RAB27A: variants seen among roughly 807,000 people sequenced by gnomAD.
The protein encoded by RAB27A is RAB27A, member RAS oncogene family.
RAB27A carries 17 observed loss-of-function variants against 20.8 expected under a neutral mutation model. The ratio of observed to expected loss-of-function variants is 0.82; its 90% CI spans 0.56 to 1.23. RAB27A has a LOEUF of 1.23. Ranked by LOEUF, RAB27A falls within the 50% of genes most tolerant of loss-of-function variation. RAB27A has a pLI of 0.00. For synonymous variants in RAB27A, 85 were observed against 92.8 expected (o/e 0.92, Z 0.48); for missense variants, 277 against 266.7 (o/e 1.04, Z -0.27).
intron 2 of RAB27A, among the ~76,000 whole-genome samples, chr15:55,268,987 C>G (rs1295402212): frequency 6.6e-6 from 1 of 152,090 alleles, no homozygotes; most frequent in Non-Finnish European, 1.5e-5. Context: ...CAGACATGAA[C>G]ACAGGGAGGA....
intron 2 of RAB27A, among the ~76,000 whole-genome samples, chr15:55,261,644 G>T (rs112121695): frequency 7.0e-6 from 1 of 143,260 alleles, no homozygotes; most frequent in African/African-American, 2.6e-5. Context: ...GGGAGGCTAA[G>T]GTAGAAGAAT....
chr15:55,279,694 T>TG (rs1200064733), intron 1 of RAB27A, among the ~76,000 whole-genome samples: 5 of 152,200 alleles, frequency 3.3e-5, no homozygotes, highest in African/African-American at 1.2e-4. Flanking sequence ...ATACAGCAGG[T>TG]GCTCAATAAA....
At position 55,272,197 on chromosome 15, in the gene RAB27A, G is replaced by C. The variant is rs1334595797; in HGVS notation, c.-142-1913C>G. Among the ~76,000 whole-genome samples, 7 of 152,286 alleles carry C rather than the reference G, an allele frequency of 4.6e-5. No homozygotes were observed. The South Asian group carries it at 1.4e-3, about 32-fold the overall frequency. The stretch of plus-strand genomic sequence containing the variant: ...CAATATTCCTGTAGGGGGAGATCGA[G>C]ACCATCCTGGCTAACACGGTGAAAC... On this transcript the variant is annotated intron_variant, in intron 1 of 6. Coordinates refer to ENST00000336787, the MANE Select transcript of RAB27A (RefSeq NM_183235.3).
At chr15:55,234,758 T>C in intron 3 of RAB27A, 24 bp downstream of exon 3, 1 of 1,593,108 alleles carries the variant, frequency 6.3e-7, no homozygotes, top group Non-Finnish European at 8.6e-7. Flanking sequence ...ATTACATTTT[T>C]ACATAGAAGG....
chr15:55,283,622 C>G (rs1371498509), intron 1 of RAB27A, among the ~76,000 whole-genome samples: 2 of 152,140 alleles, frequency 1.3e-5, no homozygotes, highest in Non-Finnish European at 1.5e-5. Context: ...TTCACTCATT[C>G]TTGGAGTTGT....
intron 2 of RAB27A, among the ~76,000 whole-genome samples, chr15:55,266,401 G>GGA (rs1897487249): frequency 6.6e-6 from 1 of 152,164 alleles, no homozygotes; most frequent in East Asian, 1.9e-4. Flanking sequence ...TAAGACATAT[G>GGA]GAGAGAGATT....
intron 5 of RAB27A, among the ~76,000 whole-genome samples, chr15:55,226,369 G>A (rs1444748891): frequency 1.3e-5 from 2 of 152,136 alleles, no homozygotes; most frequent in African/African-American, 2.4e-5. Flanking sequence ...TTGAGTGAGA[G>A]GGAGGGGTCT....
chr15:55,310,799 C>T (rs1010121060), intron 2 of RAB27A, among the ~76,000 whole-genome samples: 7 of 152,200 alleles, frequency 4.6e-5, no homozygotes, highest in African/African-American at 1.7e-4. Context: ...CTGCAGCTGA[C>T]TGAGTGATAA....
chr15:55,259,324 C>T (rs891289373), intron 2 of RAB27A, among the ~76,000 whole-genome samples: 6 of 151,118 alleles, frequency 4.0e-5, no homozygotes, highest in Admixed American at 1.3e-4. Flanking sequence ...AATGGAGACA[C>T]GGTCTCACTC....
intron 3 of RAB27A, among the ~76,000 whole-genome samples, chr15:55,232,057 A>C (rs1431134255): frequency 6.6e-6 from 1 of 152,178 alleles, no homozygotes; most frequent in Non-Finnish European, 1.5e-5. Flanking sequence ...CTCACTTCTG[A>C]CTGACTTTGA....
At chr15:55,311,539 C>T (rs1444810330) in intron 2 of RAB27A, among the ~76,000 whole-genome samples, 1 of 152,064 alleles carries the variant, frequency 6.6e-6, no homozygotes, top group African/African-American at 2.4e-5. Flanking sequence ...CTGAGGGCTT[C>T]CCGTAGGGCA....
chr15:55,287,856 T>C (rs949491969), intron 1 of RAB27A, among the ~76,000 whole-genome samples: 7 of 152,150 alleles, frequency 4.6e-5, no homozygotes, highest in African/African-American at 1.7e-4. Context: ...AAACACTATG[T>C]AGCTACAATA....
chr15:55,248,206 C>G (rs1896761108), intron 2 of RAB27A, among the ~76,000 whole-genome samples: 1 of 152,126 alleles, frequency 6.6e-6, no homozygotes, highest in African/African-American at 2.4e-5. Flanking sequence ...CTCTTCACAG[C>G]TGATTTTCAT....
intron 6 of RAB27A, 49 bp downstream of exon 6, chr15:55,223,840 T>G (rs1895686579): frequency 6.2e-7 from 1 of 1,602,924 alleles, no homozygotes; most frequent in African/African-American, 1.3e-5. Flanking sequence ...CACCTGCTAA[T>G]GTTTATATTG....
chr15:55,303,626 C>T (rs1191043579), intron 2 of RAB27A, among the ~76,000 whole-genome samples: 36 of 105,340 alleles, frequency 3.4e-4, no homozygotes, highest in Non-Finnish European at 5.7e-4. Context: ...GTCGGCCCCC[C>T]GCCCGGCCAG....
chr15:55,231,961 C>G (rs1019373468), intron 3 of RAB27A, among the ~76,000 whole-genome samples: 6 of 152,018 alleles, frequency 3.9e-5, no homozygotes, highest in Non-Finnish European at 7.4e-5. Flanking sequence ...CTATAATGCT[C>G]CCAAATATTC....
At chr15:55,272,491 A>G (rs1467807362) in intron 1 of RAB27A, among the ~76,000 whole-genome samples, 1 of 152,262 alleles carries the variant, frequency 6.6e-6, no homozygotes, top group Non-Finnish European at 1.5e-5. Context: ...AGGTAATACT[A>G]ACATTCCTAA....
chr15:55,296,860 A>G (rs1025101819), intron 2 of RAB27A, among the ~76,000 whole-genome samples: 9 of 152,102 alleles, frequency 5.9e-5, no homozygotes, highest in African/African-American at 1.7e-4. Context: ...ACGTTTTGTC[A>G]TCACCTTCCA....
intron 2 of RAB27A, among the ~76,000 whole-genome samples, chr15:55,262,830 T>C (rs1897324844): frequency 6.6e-6 from 1 of 152,156 alleles, no homozygotes; most frequent in African/African-American, 2.4e-5. Context: ...GCTGGGATTA[T>C]AGGTGTGAGC....
Sources: allele counts gnomAD v4.1 joint callset (sites outside exome capture counted in the v4.1 genomes callset), GRCh38; gene constraint gnomAD v4.1.1; transcripts MANE v1.5; gene names NCBI Gene and HGNC (gene_info 2026-07-23, HGNC 2026-07-21).